The following POMT2 variants were observed in gnomAD, a reference collection of about 807,000 sequenced individuals.
The protein encoded by POMT2 is protein O-mannosyltransferase 2.
Under a neutral mutation model 100.0 loss-of-function variants are expected in POMT2, and 75 were observed. The observed-to-expected ratio is 0.75, with a 90% CI of 0.62 to 0.91. The LOEUF (loss-of-function observed/expected upper bound fraction) is 0.91, where lower values mean the gene tolerates loss of function less well. Ranked by LOEUF, POMT2 falls within the 40% of genes least tolerant of loss-of-function variation. The probability of loss-of-function intolerance (pLI) is 0.00; values close to 1 mark genes in which losing one functional copy is unlikely to be tolerated. For synonymous variants in POMT2, 378 were observed against 374.1 expected (o/e 1.01, Z -0.12); for missense variants, 940 against 955.1 (o/e 0.98, Z 0.21).
intron 11 of POMT2, chr14:77,287,052 C>A: frequency 1.2e-6 from 1 of 800,894 alleles, no homozygotes; most frequent in Non-Finnish European, 1.8e-6. Flanking sequence ...GAGCACTGGA[C>A]GGCATGCCAA....
intron 1 of POMT2, among the ~76,000 whole-genome samples, chr14:77,320,044 C>T (rs1243163567): frequency 1.8e-4 from 28 of 152,202 alleles, no homozygotes; most frequent in Admixed American, 1.8e-3. Flanking sequence ...TAGGTATTTT[C>T]TCCTCTGTTG....
intron 15 of POMT2, 149 bp from the exon 16 acceptor site, chr14:77,280,612 C>A: frequency 1.3e-6 from 2 of 1,493,922 alleles, no homozygotes; most frequent in Non-Finnish European, 1.8e-6. Flanking sequence ...CAGGCAGCTG[C>A]TGTCTGCCTA....
rs539448331 is a variant in POMT2, at chr14:77,292,473, C to T, written c.1117-1093G>A. 2.6e-5 allele frequency among the ~76,000 whole-genome samples: 4 copies of T among 152,312 alleles called. No homozygotes were observed. The East Asian group carries it at 7.7e-4, about 29-fold the overall frequency. On this transcript the variant is annotated intron_variant, in intron 9 of 20. Coordinates refer to ENST00000261534, the MANE Select transcript of POMT2 (RefSeq NM_013382.7). ...GTTAAGTAATTTGCTCAAGGTCACA[C>T]AGCTTATGCGTTGGGGAGACAGAAT... is the stretch of plus-strand genomic sequence containing the variant.
chr14:77,319,545 G>C lies in POMT2; in HGVS notation c.248+889C>G, dbSNP rs1023021189. The C allele has an allele frequency of 9.8e-5, 15 of 152,388 alleles. 1 individual carries two copies. The highest frequency in any genetic ancestry group is 3.4e-3 in the Middle Eastern group (1 of 294). 9.4% of individuals were successfully genotyped at this position (152,388 alleles called of 1,614,324 possible). ...GTGTTTGCAGCAAGCAACTTTGAGA[G>C]AAGAGGCAGTGTCTCCCTCCAGGAC... On this transcript the variant is annotated intron_variant, in intron 1 of 20. Transcript: ENST00000261534.
intron 6 of POMT2, chr14:77,300,819 CA>C (rs748794664): frequency 0.11 from 34,824 of 327,462 alleles, no homozygotes; most frequent in South Asian, 0.22. Flanking sequence ...AACTCTATCT[CA>C]AAAAAAAAAA....
In POMT2 at chr14:77,279,944, A is replaced by C; in HGVS notation, c.1786-16T>G. On this transcript the variant is annotated splice_polypyrimidine_tract_variant and intron_variant, in intron 17 of 20. Transcript: ENST00000261534. Reference sequence around the variant, plus strand: ...ACCAAACCACCTGTGCAGAAATGGGAATGGGCAGATGAGAACGCAGCCGCT... The same window carrying C: ...ACCAAACCACCTGTGCAGAAATGGGCATGGGCAGATGAGAACGCAGCCGCT... 6.2e-7 allele frequency: 1 copy of C among 1,614,138 alleles called. No individual in the cohort carries two copies. The highest frequency in any genetic ancestry group is 1.3e-5 in the African/African-American group (1 of 75,024).
At chr14:77,316,499 G>C (rs1230496415) in intron 1 of POMT2, among the ~76,000 whole-genome samples, 1 of 147,540 alleles carries the variant, frequency 6.8e-6, no homozygotes, top group Non-Finnish European at 1.5e-5. Flanking sequence ...CCAGGAGTTT[G>C]AGGATGCAGT....
chr14:77,280,417 G>A lies in POMT2; in HGVS notation c.1700C>T (p.Pro567Leu), dbSNP rs376689848. 4.3e-6 allele frequency: 7 copies of A among 1,614,050 alleles called. No homozygotes were observed. The African/African-American group carries it at 9.3e-5, about 22-fold the overall frequency. Reference sequence around the variant, plus strand: ...CTGATAGTTGATAGGCCAGTGCCAGGGTTTGGACGTGAACTCATTGTCCTT... The same window carrying A: ...CTGATAGTTGATAGGCCAGTGCCAGAGTTTGGACGTGAACTCATTGTCCTT... ...KPKDNEFTSK[P>L]WHWPINYQGL... Residue 567 changes from proline (P) to leucine (L), a missense_variant, in exon 16 of 21, where the codon CCC becomes CTC. Pro to Leu is a moderately conservative substitution (Grantham distance 98, BLOSUM62 -3). Transcript: ENST00000261534.
chr14:77,308,656 A>C (rs1891324331), intron 2 of POMT2: 1 of 378,140 alleles, frequency 2.6e-6, no homozygotes, highest in Non-Finnish European at 5.2e-6. Flanking sequence ...GCGCCCGGCC[A>C]ACAAAGTTTT....
chr14:77,286,714 G>A (rs377522447), intron 12 of POMT2, 30 bp downstream of exon 12: 78 of 1,613,760 alleles, frequency 4.8e-5, no homozygotes, highest in East Asian at 3.6e-4. Context: ...TAACTTTTAC[G>A]TCCTACTCAC....
chr14:77,279,707 A>G, intron 18 of POMT2, 116 bp downstream of exon 18: 1 of 994,638 alleles, frequency 1.0e-6, no homozygotes, highest in Non-Finnish European at 1.5e-6. Context: ...AGGATAAGGG[A>G]AGGTGTGGGG....
intron 14 of POMT2, 23 bp downstream of exon 14, chr14:77,284,927 G>A: frequency 6.4e-7 from 1 of 1,563,098 alleles, no homozygotes; most frequent in Non-Finnish European, 8.8e-7. Flanking sequence ...TCCAGAGCCA[G>A]CCCAGAAAGT....
intron 11 of POMT2, among the ~76,000 whole-genome samples, chr14:77,288,451 G>T (rs183000739): frequency 8.5e-5 from 13 of 152,078 alleles, no homozygotes; most frequent in African/African-American, 3.1e-4. Flanking sequence ...CGGGAGGATC[G>T]CTTGAGCCCA....
intron 4 of POMT2, 65 bp from the exon 5 acceptor site, chr14:77,303,008 C>A: frequency 8.2e-7 from 1 of 1,221,086 alleles, no homozygotes; most frequent in Non-Finnish European, 1.2e-6. Flanking sequence ...AAACCAAGCA[C>A]CCCAGTAGTA....
chr14:77,303,074 A>G (rs747917481), intron 4 of POMT2, 131 bp from the exon 5 acceptor site: 29 of 739,744 alleles, frequency 3.9e-5, no homozygotes, highest in Non-Finnish European at 6.0e-5. Context: ...AGTCAGGACT[A>G]GAGTCAACAC....
intron 11 of POMT2, chr14:77,287,553 T>C (rs1890478254): frequency 9.4e-6 from 1 of 106,108 alleles, no homozygotes; most frequent in Non-Finnish European, 2.1e-5. Flanking sequence ...TCTATATATA[T>C]ATATATATAC....
chr14:77,292,868 T>C (rs1404430032), intron 9 of POMT2, among the ~76,000 whole-genome samples: 1 of 152,184 alleles, frequency 6.6e-6, no homozygotes, highest in East Asian at 1.9e-4. Flanking sequence ...CCATGTAGCT[T>C]AGGTGTGTGG....
intron 11 of POMT2, among the ~76,000 whole-genome samples, chr14:77,288,513 A>C (rs921933806): frequency 6.6e-6 from 1 of 152,154 alleles, no homozygotes; most frequent in African/African-American, 2.4e-5. Flanking sequence ...TCAAAAAAAA[A>C]CAGCAGCAGC....
chr14:77,279,105 G>T (rs1890103313), intron 18 of POMT2: 1 of 612,344 alleles, frequency 1.6e-6, no homozygotes, highest in Non-Finnish European at 2.9e-6. Flanking sequence ...AGCACCAGCA[G>T]GAGGCAGCCC....
Sources: gnomAD v4.1 joint callset for allele counts (sites outside exome capture counted in the v4.1 genomes callset) on GRCh38, gnomAD v4.1.1 for gene constraint, MANE v1.5 for transcripts, NCBI Gene and HGNC (gene_info 2026-07-23, HGNC 2026-07-21) for gene names.